Variants in SYNJ2 observed in about 807,000 individuals in gnomAD.
SYNJ2 encodes the protein synaptojanin 2.
SYNJ2 carries 116 observed loss-of-function variants against 141.3 expected under a neutral mutation model. That is an observed-to-expected ratio of 0.82 (90% CI 0.71 to 0.96). SYNJ2 has a LOEUF of 0.96. SYNJ2 is among the 40% of genes least tolerant of loss of function. The pLI, the probability that SYNJ2 is intolerant of heterozygous loss-of-function variation, is 0.00. For synonymous variants in SYNJ2, 745 were observed against 777.7 expected (o/e 0.96, Z 0.70); for missense variants, 1,873 against 1,934.8 (o/e 0.97, Z 0.60).
chr6:157,991,161 C>T (rs533729988), intron 1 of SYNJ2, among the ~76,000 whole-genome samples: 4 of 152,312 alleles, frequency 2.6e-5, no homozygotes, highest in South Asian at 2.1e-4. Flanking sequence ...GAAGAGAGAA[C>T]GCCTCTGGAG....
chr6:158,056,068 C>T (rs1450748447), intron 6 of SYNJ2, among the ~76,000 whole-genome samples: 5 of 152,210 alleles, frequency 3.3e-5, no homozygotes, highest in African/African-American at 9.6e-5. Flanking sequence ...GGTGACAGAG[C>T]GAGACTCCAT....
chr6:158,021,891 G>A (rs1322096676), intron 2 of SYNJ2, among the ~76,000 whole-genome samples: 1 of 152,210 alleles, frequency 6.6e-6, no homozygotes, highest in African/African-American at 2.4e-5. Flanking sequence ...CTGAGATGAT[G>A]CAGCATTTGC....
At chr6:157,994,247 GGT>G (rs1410372494) in intron 1 of SYNJ2, among the ~76,000 whole-genome samples, 2 of 152,310 alleles carry the variant, frequency 1.3e-5, no homozygotes, top group East Asian at 3.9e-4. Flanking sequence ...TTTAAGAGGA[GGT>G]GACCGTTCTC....
At chr6:158,000,817 G>A (rs891520759) in intron 1 of SYNJ2, among the ~76,000 whole-genome samples, 11 of 152,242 alleles carry the variant, frequency 7.2e-5, no homozygotes, top group Non-Finnish European at 1.3e-4. Flanking sequence ...TGCTGTCCTT[G>A]GGAGTGATGG....
chr6:158,021,747 C>A (rs937790059), intron 2 of SYNJ2, among the ~76,000 whole-genome samples: 1 of 152,188 alleles, frequency 6.6e-6, no homozygotes, highest in Admixed American at 6.5e-5. Flanking sequence ...AACCCTTAGT[C>A]TTTTGGGATG....
chr6:158,012,559 C>T (rs977541651), intron 1 of SYNJ2, among the ~76,000 whole-genome samples: 4 of 152,216 alleles, frequency 2.6e-5, no homozygotes, highest in Non-Finnish European at 4.4e-5. Flanking sequence ...GCCTTCGGAG[C>T]AGATGCAGAC....
At chr6:158,062,597 A>G (rs563085156) in intron 8 of SYNJ2, among the ~76,000 whole-genome samples, 3 of 152,254 alleles carry the variant, frequency 2.0e-5, no homozygotes, top group African/African-American at 7.2e-5. Flanking sequence ...AGACCAGGGT[A>G]TGGACTTCCC....
In SYNJ2 at chr6:158,074,671, T is replaced by C. The variant is rs1303825687; in HGVS notation, c.2225T>C (p.Val742Ala). The change falls in exon 16 of 27, where the codon GTT (valine) becomes GCT (alanine). Residue 742 changes from valine to alanine, a missense_variant. By Grantham distance (64) the Val-to-Ala change is moderately conservative. Transcript: ENST00000355585. ...DLTYEEVFYFVKRQDWKKLLE... is the reference protein window; with the variant it reads ...DLTYEEVFYFAKRQDWKKLLE... ...ACTTATGAAGAAGTCTTCTATTTTG[T>C]TAAACGCCAAGACTGGAAGAAACTT... 1 of 1,614,036 alleles carries C rather than the reference T, an allele frequency of 6.2e-7. No homozygotes were observed. The highest frequency in any genetic ancestry group is 8.5e-7 in the Non-Finnish European group (1 of 1,180,028).
chr6:158,077,022 T>C (rs6899791), intron 17 of SYNJ2, among the ~76,000 whole-genome samples: 84,579 of 150,144 alleles, frequency 0.56, 24,502 homozygotes, highest in African/African-American at 0.69. Flanking sequence ...TGAGACAGAG[T>C]TTCACTCTTG....
chr6:158,077,266 T>A (rs6455992), intron 17 of SYNJ2, among the ~76,000 whole-genome samples: 83,543 of 152,028 alleles, frequency 0.55, 23,565 homozygotes, highest in African/African-American at 0.68. Context: ...AGTGCTGGGA[T>A]TACAGGCATA....
At chr6:158,065,620 C>A (rs1287451015) in intron 11 of SYNJ2, among the ~76,000 whole-genome samples, 1 of 152,194 alleles carries the variant, frequency 6.6e-6, no homozygotes, top group African/African-American at 2.4e-5. Flanking sequence ...GTACAAGTGT[C>A]GCTTTAGAAA....
intron 2 of SYNJ2, among the ~76,000 whole-genome samples, chr6:158,021,856 C>T (rs1038410197): frequency 1.3e-5 from 2 of 152,180 alleles, no homozygotes; most frequent in African/African-American, 4.8e-5. Context: ...AGAGAGTTGA[C>T]ACCCAGCTCC....
At chr6:158,019,607 A>G (rs1778652360) in intron 2 of SYNJ2, among the ~76,000 whole-genome samples, 1 of 152,100 alleles carries the variant, frequency 6.6e-6, no homozygotes, top group Admixed American at 6.6e-5. Flanking sequence ...CCCTGCCTTC[A>G]GCCAGTCCCC....
chr6:158,080,499 A>G (rs1336148324), intron 18 of SYNJ2, among the ~76,000 whole-genome samples: 2 of 147,942 alleles, frequency 1.4e-5, no homozygotes, highest in African/African-American at 5.0e-5. Context: ...AAAAAAAACG[A>G]GCATTTCCCT....
intron 2 of SYNJ2, among the ~76,000 whole-genome samples, chr6:158,024,775 A>G (rs1778952109): frequency 6.6e-6 from 1 of 152,218 alleles, no homozygotes; most frequent in African/African-American, 2.4e-5. Context: ...GGGACTGGAA[A>G]TATGAGTGAA....
intron 1 of SYNJ2, among the ~76,000 whole-genome samples, chr6:158,016,509 G>A (rs375165368): frequency 9.4e-4 from 143 of 152,098 alleles, no homozygotes; most frequent in African/African-American, 2.9e-3. Context: ...ATTTTGTTCT[G>A]TGCACTTAAA....
intron 2 of SYNJ2, among the ~76,000 whole-genome samples, chr6:158,018,432 A>G (rs1450026639): frequency 6.6e-6 from 1 of 152,132 alleles, no homozygotes; most frequent in Admixed American, 6.5e-5. Flanking sequence ...GGGTTGTCTG[A>G]ATTCGGGCTT....
intron 7 of SYNJ2, 38 bp downstream of exon 7, chr6:158,059,391 G>A (rs1348027622): frequency 2.3e-5 from 36 of 1,546,330 alleles, no homozygotes; most frequent in Non-Finnish European, 3.0e-5. Flanking sequence ...TGGGCTGGGC[G>A]GCAGGTGGCC....
At chr6:158,042,468 C>T (rs993133655) in intron 4 of SYNJ2, among the ~76,000 whole-genome samples, 8 of 152,254 alleles carry the variant, frequency 5.3e-5, no homozygotes, top group South Asian at 4.1e-4. Context: ...ACCACAGCAG[C>T]GCCCAGGCCG....
Sources: allele counts gnomAD v4.1 joint callset (sites outside exome capture counted in the v4.1 genomes callset), GRCh38; gene constraint gnomAD v4.1.1; transcripts MANE v1.5; gene names NCBI Gene and HGNC (gene_info 2026-07-23, HGNC 2026-07-21).